ATXN10: variants seen among roughly 807,000 people sequenced by gnomAD.
The protein encoded by ATXN10 is ataxin 10.
Under a neutral mutation model 52.9 loss-of-function variants are expected in ATXN10, and 28 were observed. The ratio of observed to expected loss-of-function variants is 0.53; its 90% confidence interval spans 0.39 to 0.73. The LOEUF (loss-of-function observed/expected upper bound fraction) is 0.73, where lower values mean the gene tolerates loss of function less well. ATXN10 is among the 30% of genes least tolerant of loss of function. The pLI is 0.00. For missense variants in ATXN10, 565 were observed against 577.0 expected, an observed-to-expected ratio of 0.98 and a Z score of 0.21; for synonymous variants, 226 against 221.5, an observed-to-expected ratio of 1.02 and a Z score of -0.18.
chr22:45,762,844 G>A lies in ATXN10; in HGVS notation c.1173+22306G>A, dbSNP rs1159635070. Reference sequence around the variant, plus strand: ...CCAAATTCCAAGTGAGAGTAATTGCGTGGCTTCCCTTGGGTCTGTCTCCAT... The same window carrying A: ...CCAAATTCCAAGTGAGAGTAATTGCATGGCTTCCCTTGGGTCTGTCTCCAT... On this transcript the variant is annotated intron_variant, in intron 9 of 11. Coordinates refer to ENST00000252934, the MANE Select transcript of ATXN10 (RefSeq NM_013236.4). This position sits in a 1 kb window ranked among gnomAD's most constrained non-coding sequence, Gnocchi z 4.3. 6.6e-6 allele frequency among the ~76,000 whole-genome samples: 1 copy of A among 152,102 alleles called. No homozygotes were observed. Among genetic ancestry groups the A allele is most frequent in the East Asian group, 1.9e-4 (1 of 5,168 alleles).
In ATXN10 at chr22:45,835,532, A is replaced by C. The variant is rs1242438874; in HGVS notation, c.1238-7459A>C. On this transcript the variant is annotated intron_variant, in intron 10 of 11. Coordinates refer to ENST00000252934, the MANE Select transcript of ATXN10 (RefSeq NM_013236.4). The surrounding 1 kb of genome is among the most constrained non-coding windows in gnomAD (Gnocchi z 5.0). Reference sequence around the variant, plus strand: ...ACAGTGAATGGGCCTTCGTTTCAGCATCTTTAATAAAGTACTGATTTGGGT... The same window carrying C: ...ACAGTGAATGGGCCTTCGTTTCAGCCTCTTTAATAAAGTACTGATTTGGGT... Among the ~76,000 whole-genome samples, 1 of 152,238 alleles carries C rather than the reference A, an allele frequency of 6.6e-6. No individual in the cohort carries two copies. Among genetic ancestry groups the C allele is most frequent in the Non-Finnish European group, 1.5e-5 (1 of 68,044 alleles).
At chr22:45,693,764 G>C (rs1923476318) in intron 3 of ATXN10, among the ~76,000 whole-genome samples, 1 of 152,188 alleles carries the variant, frequency 6.6e-6, no homozygotes, top group Admixed American at 6.5e-5. Flanking sequence ...CTTATAGGAA[G>C]AGGAAATTAG....
At chr22:45,793,535 T>G in intron 9 of ATXN10, 1 of 1,245,432 alleles carries the variant, frequency 8.0e-7, no homozygotes, top group Non-Finnish European at 1.0e-6. Flanking sequence ...TAACAAATAA[T>G]TCTGTCAAGC....
intron 1 of ATXN10, chr22:45,675,981 G>A (rs1378527505): frequency 6.6e-6 from 1 of 152,034 alleles, no homozygotes; most frequent in Non-Finnish European, 1.5e-5. Flanking sequence ...GTTTAATGTA[G>A]ATATCACCGT....
Position 45,769,811 on chromosome 22 carries a change from C to T in ATXN10, c.1173+29273C>T, listed in dbSNP as rs1304614663. Reference sequence around the variant, plus strand: ...CTGATGAATGAATTTACTCTGTATGCAGTAGAGTGTGATCTGAACAAAAAC... The same window carrying T: ...CTGATGAATGAATTTACTCTGTATGTAGTAGAGTGTGATCTGAACAAAAAC... On this transcript the variant is annotated intron_variant, in intron 9 of 11. Coordinates refer to ENST00000252934, the MANE Select transcript of ATXN10 (RefSeq NM_013236.4). This position sits in a 1 kb window ranked among gnomAD's most constrained non-coding sequence, Gnocchi z 4.2. Among the ~76,000 whole-genome samples, 2 of 152,042 alleles carry T rather than the reference C, an allele frequency of 1.3e-5. No homozygotes were observed. The highest frequency in any genetic ancestry group is 4.8e-5 in the African/African-American group (2 of 41,380).
intron 10 of ATXN10, among the ~76,000 whole-genome samples, chr22:45,834,932 G>T (rs1929115836): frequency 6.6e-6 from 1 of 152,194 alleles, no homozygotes; most frequent in South Asian, 2.1e-4. Flanking sequence ...ACCCTTTCGT[G>T]TGGTTTAAGT....
chr22:45,751,120 G>A (rs570703429), intron 9 of ATXN10, among the ~76,000 whole-genome samples: 5 of 126,074 alleles, frequency 4.0e-5, no homozygotes, highest in Admixed American at 7.8e-5. Context: ...TAGTAGAGAC[G>A]GGGTTTCACC....
In ATXN10 at chr22:45,763,897, AC is replaced by A. The variant is rs1253011469; in HGVS notation, c.1173+23364del. Among the ~76,000 whole-genome samples the A allele has an allele frequency of 6.7e-6, 1 of 150,360 alleles. No individual in the cohort carries two copies. Among genetic ancestry groups the A allele is most frequent in the South Asian group, 2.1e-4 (1 of 4,658 alleles). ...GAGGTGCCGGCTGTGTTAGGCTCTT[AC>A]CCCCACCTCCCCCAGTGTCTTCCAG... On this transcript the variant is annotated intron_variant, in intron 9 of 11. Coordinates refer to ENST00000252934, the MANE Select transcript of ATXN10 (RefSeq NM_013236.4). The surrounding 1 kb of genome is among the most constrained non-coding windows in gnomAD (Gnocchi z 6.9).
At chr22:45,726,961 G>C (rs1036572371) in intron 6 of ATXN10, among the ~76,000 whole-genome samples, 2 of 152,154 alleles carry the variant, frequency 1.3e-5, no homozygotes, top group African/African-American at 4.8e-5. Context: ...GATTACAGTT[G>C]TAAGCCACCA....
intron 1 of ATXN10, among the ~76,000 whole-genome samples, chr22:45,685,232 G>T (rs1923090354): frequency 6.6e-6 from 1 of 151,832 alleles, no homozygotes; most frequent in African/African-American, 2.4e-5. Flanking sequence ...AACAGAACTT[G>T]CCAAGATTAA....
At position 45,750,695 on chromosome 22, in the gene ATXN10, A is replaced by C. The variant is rs1398828043; in HGVS notation, c.1173+10157A>C. ...TATTAAAATATACTTTAAGGCTAAA[A>C]TAATCAAAACAATTTACAAAAGTTT... On this transcript the variant is annotated intron_variant, in intron 9 of 11. Coordinates refer to ENST00000252934, the MANE Select transcript of ATXN10 (RefSeq NM_013236.4). The surrounding 1 kb of genome is among the most constrained non-coding windows in gnomAD (Gnocchi z 4.2). Among the ~76,000 whole-genome samples the C allele has an allele frequency of 5.3e-5, 8 of 152,376 alleles. No homozygotes were observed. In the East Asian group the frequency reaches 1.5e-3, roughly 29 times the overall value.
Position 45,843,599 on chromosome 22 carries a change from C to G in ATXN10, c.1426-70C>G. On this transcript the variant is annotated intron_variant, in intron 11 of 11. Transcript: ENST00000252934. The surrounding 1 kb of genome is among the most constrained non-coding windows in gnomAD (Gnocchi z 4.5). ...ACTGACCAAAGTTCTGGGTTTTTTC[C>G]CCTTTTGTCTGATGAATCTTGTGAA... 1 of 1,516,166 alleles carries G rather than the reference C, an allele frequency of 6.6e-7. No homozygotes were observed. The highest frequency in any genetic ancestry group is 9.1e-7 in the Non-Finnish European group (1 of 1,095,674). The allele number at this position is 1,516,166 out of a possible 1,614,324, so 93.9% of individuals were successfully genotyped here.
At chr22:45,806,657 C>T (rs1928109167) in intron 9 of ATXN10, among the ~76,000 whole-genome samples, 1 of 152,080 alleles carries the variant, frequency 6.6e-6, no homozygotes, top group Non-Finnish European at 1.5e-5. Context: ...GTTTAGATCT[C>T]ATATCTATCT....
chr22:45,751,763 A>AAATAATAATAATAATAATAAT lies in ATXN10; in HGVS notation c.1173+11231_1173+11251dup, dbSNP rs1165303275. 2.4e-4 allele frequency among the ~76,000 whole-genome samples: 16 copies of AAATAATAATAATAATAATAAT among 66,608 alleles called. No homozygotes were observed. The East Asian group carries it at 4.0e-3, about 17-fold the overall frequency. 43.7% of individuals were successfully genotyped at this position (66,608 alleles called of 152,430 possible). ...TGGAAAAAAAAAAAAAATAAAAAAA[A>AAATAATAATAATAATAATAAT]AATAATAATAATAATAATAATAATA... On this transcript the variant is annotated intron_variant, in intron 9 of 11. Transcript: ENST00000252934.
chr22:45,742,201 A>G (rs1282807133), intron 9 of ATXN10, among the ~76,000 whole-genome samples: 1 of 152,118 alleles, frequency 6.6e-6, no homozygotes, highest in Non-Finnish European at 1.5e-5. Context: ...AAAAAAATCA[A>G]CACTCTTTAG....
At position 45,759,578 on chromosome 22, in the gene ATXN10, T is replaced by C. The variant is rs1222967626; in HGVS notation, c.1173+19040T>C. On this transcript the variant is annotated intron_variant, in intron 9 of 11. Coordinates refer to ENST00000252934, the MANE Select transcript of ATXN10 (RefSeq NM_013236.4). This position sits in a 1 kb window ranked among gnomAD's most constrained non-coding sequence, Gnocchi z 5.4. ...AGGGTTCCGTACTCTTCTTGTGCCA[T>C]GAAGCAGGAGGAAAGGCCTCCTGAG... Among the ~76,000 whole-genome samples the C allele has an allele frequency of 6.6e-6, 1 of 152,112 alleles. No homozygotes were observed. Among genetic ancestry groups the C allele is most frequent in the Admixed American group, 6.5e-5 (1 of 15,280 alleles).
intron 3 of ATXN10, among the ~76,000 whole-genome samples, chr22:45,697,203 C>T (rs1397091897): frequency 6.6e-6 from 1 of 151,940 alleles, no homozygotes; most frequent in South Asian, 2.1e-4. Flanking sequence ...GGCACAATCT[C>T]GGCTCACTAC....
At chr22:45,782,088 G>T (rs1360059980) in intron 9 of ATXN10, among the ~76,000 whole-genome samples, 1 of 152,150 alleles carries the variant, frequency 6.6e-6, no homozygotes, top group East Asian at 1.9e-4. Flanking sequence ...AGTTTCCTTG[G>T]TATAGCTTTT....
Position 45,733,562 on chromosome 22 carries a change from C to G in ATXN10, c.894+3972C>G, listed in dbSNP as rs1648094180. Among the ~76,000 whole-genome samples, 1 of 151,992 alleles carries G rather than the reference C, an allele frequency of 6.6e-6. No individual in the cohort carries two copies. Among genetic ancestry groups the G allele is most frequent in the Non-Finnish European group, 1.5e-5 (1 of 67,994 alleles). On this transcript the variant is annotated intron_variant, in intron 7 of 11. Transcript: ENST00000252934. The surrounding 1 kb of genome is among the most constrained non-coding windows in gnomAD (Gnocchi z 4.4). ...CCAGCCTGACTAACATGGTGAGACC[C>G]CCGTCTCTACTAAAAATACAAAAAT...
Sources: allele counts gnomAD v4.1 joint callset (sites outside exome capture counted in the v4.1 genomes callset), GRCh38; gene constraint gnomAD v4.1.1; non-coding constraint Gnocchi (gnomAD v3.1); transcripts MANE v1.5; gene names NCBI Gene and HGNC (gene_info 2026-07-23, HGNC 2026-07-21).